ATP8A2: variants seen among roughly 807,000 people sequenced by gnomAD.
The protein encoded by ATP8A2 is ATPase phospholipid transporting 8A2, also known as phospholipid-transporting ATPase IB.
Under a neutral mutation model 165.6 loss-of-function variants are expected in ATP8A2, and 100 were observed. The ratio of observed to expected loss-of-function variants is 0.60; its 90% confidence interval spans 0.51 to 0.71. The LOEUF is 0.71. Among genes scored for constraint, ATP8A2 ranks in the 30% least tolerant of loss-of-function variants. The probability of loss-of-function intolerance (pLI) is 0.00; values close to 1 mark genes in which losing one functional copy is unlikely to be tolerated. For synonymous variants in ATP8A2, 543 were observed against 548.8 expected (o/e 0.99, Z 0.15); for missense variants, 1,227 against 1,479.5 (o/e 0.83, Z 2.80).
chr13:25,989,979 A>G (rs1482451272), intron 35 of ATP8A2, among the ~76,000 whole-genome samples: 1 of 151,994 alleles, frequency 6.6e-6, no homozygotes, highest in Non-Finnish European at 1.5e-5. Flanking sequence ...TTAACAAAGC[A>G]CCTCCCTTAG....
At chr13:25,952,637 G>A (rs562473434) in intron 33 of ATP8A2, among the ~76,000 whole-genome samples, 8 of 152,192 alleles carry the variant, frequency 5.3e-5, no homozygotes, top group East Asian at 1.9e-4. Flanking sequence ...ATCCCAAAGC[G>A]CTGGAATGAC....
chr13:25,637,768 C>T (rs2041409170), intron 24 of ATP8A2, among the ~76,000 whole-genome samples: 2 of 152,160 alleles, frequency 1.3e-5, no homozygotes, highest in South Asian at 4.1e-4. Context: ...AGTGGTTCTC[C>T]AGGCATGGAG....
intron 1 of ATP8A2, among the ~76,000 whole-genome samples, chr13:25,402,172 C>T (rs1438119371): frequency 6.6e-6 from 1 of 152,078 alleles, no homozygotes; most frequent in Non-Finnish European, 1.5e-5. Context: ...GATTCACACC[C>T]TAGGTGGGAA....
At chr13:25,960,555 C>G (rs1323317866) in intron 33 of ATP8A2, among the ~76,000 whole-genome samples, 2 of 152,156 alleles carry the variant, frequency 1.3e-5, no homozygotes, top group Non-Finnish European at 2.9e-5. Context: ...GAGGGTTTGT[C>G]ACACTAACTT....
chr13:25,591,329 C>T (rs1327590905), intron 24 of ATP8A2: 1 of 456,580 alleles, frequency 2.2e-6, no homozygotes, highest in Non-Finnish European at 4.4e-6. Context: ...CCTACCTCAT[C>T]CCCTGGCAGT....
intron 25 of ATP8A2, among the ~76,000 whole-genome samples, chr13:25,733,805 A>C (rs1468187870): frequency 6.6e-6 from 1 of 152,172 alleles, no homozygotes; most frequent in Non-Finnish European, 1.5e-5. Flanking sequence ...CTCAAATACA[A>C]CTGCTCAGAT....
chr13:25,557,697 G>A (rs2039021452), intron 13 of ATP8A2, among the ~76,000 whole-genome samples: 1 of 152,140 alleles, frequency 6.6e-6, no homozygotes, highest in African/African-American at 2.4e-5. Flanking sequence ...ATTGTTTGCA[G>A]GTGTCATTGA....
chr13:25,592,751 T>G (rs2040123698), intron 24 of ATP8A2, among the ~76,000 whole-genome samples: 1 of 152,178 alleles, frequency 6.6e-6, no homozygotes, highest in East Asian at 1.9e-4. Flanking sequence ...GTCCAAGAGA[T>G]GAACTTTAAC....
Position 25,534,832 on chromosome 13 carries a change from C to T in ATP8A2, c.507+1519C>T, listed in dbSNP as rs540557174. On this transcript the variant is annotated intron_variant, in intron 6 of 36. Coordinates refer to ENST00000381655, the MANE Select transcript of ATP8A2 (RefSeq NM_016529.6). ...GTCACCGTCCACAGAGCTGCTGGAACCCAGATGGCTGGGCCCACTCCCAGG... is the reference window on the plus strand; with the variant it reads ...GTCACCGTCCACAGAGCTGCTGGAATCCAGATGGCTGGGCCCACTCCCAGG... 7.9e-5 allele frequency among the ~76,000 whole-genome samples: 12 copies of T among 152,292 alleles called. No individual in the cohort carries two copies. In the East Asian group the frequency reaches 2.1e-3, roughly 27 times the overall value.
At chr13:25,512,756 C>T (rs1175782278) in intron 2 of ATP8A2, among the ~76,000 whole-genome samples, 2 of 145,740 alleles carry the variant, frequency 1.4e-5, no homozygotes, top group African/African-American at 5.1e-5. Flanking sequence ...ACCTCCCTCC[C>T]GGATGGGGCG....
At chr13:25,688,850 G>A (rs1223097653) in intron 24 of ATP8A2, among the ~76,000 whole-genome samples, 1 of 152,110 alleles carries the variant, frequency 6.6e-6, no homozygotes, top group Non-Finnish European at 1.5e-5. Context: ...TTCCAAATGT[G>A]AGCCTGTGCT....
At chr13:25,431,854 C>T (rs1422808224) in intron 1 of ATP8A2, among the ~76,000 whole-genome samples, 1 of 152,044 alleles carries the variant, frequency 6.6e-6, no homozygotes, top group African/African-American at 2.4e-5. Flanking sequence ...TTTTCCTCAC[C>T]CCTCAAAATA....
intron 25 of ATP8A2, among the ~76,000 whole-genome samples, chr13:25,701,306 G>T (rs2042946407): frequency 6.6e-6 from 1 of 152,070 alleles, no homozygotes; most frequent in African/African-American, 2.4e-5. Flanking sequence ...TTTAGATTAG[G>T]GCTATGCAAA....
At chr13:25,975,567 G>A (rs977453506) in intron 35 of ATP8A2, among the ~76,000 whole-genome samples, 1 of 150,788 alleles carries the variant, frequency 6.6e-6, no homozygotes, top group African/African-American at 2.4e-5. Flanking sequence ...GGGGGACAGA[G>A]TGAGACTCCA....
At chr13:25,987,831 G>T (rs915686114) in intron 35 of ATP8A2, among the ~76,000 whole-genome samples, 3 of 152,226 alleles carry the variant, frequency 2.0e-5, no homozygotes, top group Non-Finnish European at 4.4e-5. Context: ...ACCATGGGAT[G>T]TGTCCTGCTT....
rs896334528 is a variant in ATP8A2 at position 25,786,679 on chromosome 13, A to G, written c.2679+11720A>G. On this transcript the variant is annotated intron_variant, in intron 27 of 36. Coordinates refer to ENST00000381655, the MANE Select transcript of ATP8A2 (RefSeq NM_016529.6). ...TACTGAAAGTGCTTATTTGTATAGT[A>G]TATTATTTTATTTTTTAAAAATAAG... is the stretch of plus-strand genomic sequence containing the variant. Among the ~76,000 whole-genome samples, 12 of 151,718 alleles carry G rather than the reference A, an allele frequency of 7.9e-5. 3 individuals carry two copies. Among genetic ancestry groups the G allele is most frequent in the Admixed American group, 6.6e-4 (10 of 15,242 alleles).
At chr13:25,885,105 CT>C (rs869044168) in intron 33 of ATP8A2, among the ~76,000 whole-genome samples, 446 of 88,612 alleles carry the variant, frequency 5.0e-3, no homozygotes, top group Middle Eastern at 0.011. Flanking sequence ...TCTCCGCTTG[CT>C]TTTTTTTTTT....
intron 33 of ATP8A2, among the ~76,000 whole-genome samples, chr13:25,869,214 C>T (rs1952611022): frequency 6.6e-6 from 1 of 151,996 alleles, no homozygotes; most frequent in Non-Finnish European, 1.5e-5. Flanking sequence ...ATCCATCAGA[C>T]AACAGTTCTG....
chr13:25,433,209 G>A (rs1406680210), intron 1 of ATP8A2, among the ~76,000 whole-genome samples: 1 of 152,126 alleles, frequency 6.6e-6, no homozygotes, highest in African/African-American at 2.4e-5. Flanking sequence ...GAAGTGTTAT[G>A]GACTATCTCT....
Sources: allele counts gnomAD v4.1 joint callset (sites outside exome capture counted in the v4.1 genomes callset), GRCh38; gene constraint gnomAD v4.1.1; transcripts MANE v1.5; gene names NCBI Gene and HGNC (gene_info 2026-07-23, HGNC 2026-07-21).